Variants in ADGRG6 observed in about 807,000 individuals in gnomAD.
ADGRG6 encodes adhesion G protein-coupled receptor G6, also known as G-protein coupled receptor 126.
Under a neutral mutation model 142.4 loss-of-function variants are expected in ADGRG6, and 84 were observed. That is an observed-to-expected ratio of 0.59 (90% CI 0.49 to 0.71). ADGRG6 has a LOEUF of 0.71. ADGRG6 is among the 30% of genes least tolerant of loss of function. The probability of loss-of-function intolerance (pLI) is 0.00; values close to 1 mark genes in which losing one functional copy is unlikely to be tolerated. For missense variants in ADGRG6, 1,367 were observed against 1,466.6 expected (o/e 0.93, Z 1.11); for synonymous variants, 521 against 520.5 (o/e 1.00, Z -0.01).
chr6:142,313,302 C>T (rs534892311), intron 2 of ADGRG6, among the ~76,000 whole-genome samples: 6 of 152,150 alleles, frequency 3.9e-5, no homozygotes, highest in African/African-American at 1.2e-4. Flanking sequence ...AAAGGAGTTT[C>T]AGATAATAAC....
At chr6:142,377,804 A>G (rs114263085) in intron 4 of ADGRG6, among the ~76,000 whole-genome samples, 1,753 of 152,292 alleles carry the variant, frequency 0.012, 39 homozygotes, top group African/African-American at 0.04. Context: ...AAGTTTGTAT[A>G]TACTTTTGAT....
At chr6:142,378,372 T>C (rs1184438243) in intron 4 of ADGRG6, among the ~76,000 whole-genome samples, 2 of 152,172 alleles carry the variant, frequency 1.3e-5, no homozygotes, top group Admixed American at 1.3e-4. Flanking sequence ...AGGAACTCCC[T>C]CCAGGGTCTC....
chr6:142,394,303 A>G (rs1775058195), intron 9 of ADGRG6, among the ~76,000 whole-genome samples: 1 of 152,200 alleles, frequency 6.6e-6, no homozygotes, highest in South Asian at 2.1e-4. Flanking sequence ...GTGTTTATAT[A>G]TGATAACATC....
At chr6:142,443,095 C>T (rs975677584) in intron 24 of ADGRG6, among the ~76,000 whole-genome samples, 10 of 152,044 alleles carry the variant, frequency 6.6e-5, no homozygotes, top group Non-Finnish European at 1.0e-4. Flanking sequence ...AAGAATATTT[C>T]GTATGGTAAG....
At chr6:142,343,014 CTT>C (rs1180354553) in intron 2 of ADGRG6, among the ~76,000 whole-genome samples, 1 of 151,308 alleles carries the variant, frequency 6.6e-6, no homozygotes. Flanking sequence ...TTTTATAAAA[CTT>C]TTATATATGG....
In ADGRG6 at chr6:142,411,371, TCTGC is replaced by T; in HGVS notation, c.2505_2508del (p.Leu836ValfsTer10). 6.2e-7 allele frequency: 1 copy of T among 1,606,900 alleles called. No homozygotes were observed. Among genetic ancestry groups the T allele is most frequent in the Non-Finnish European group, 8.5e-7 (1 of 1,173,634 alleles). On this transcript the variant is annotated frameshift_variant, in exon 18 of 25. Coordinates refer to ENST00000367609, the MANE Select transcript of ADGRG6 (RefSeq NM_198569.3). LOFTEE classifies it high-confidence loss of function. ...AGAGATTCAGATGCAAGTGAGACAG[TCTGC>T]CTGTGTAACCACTTCACACACTTTG...
At chr6:142,305,470 A>ACACACACACACACAC (rs1562296832) in intron 1 of ADGRG6, among the ~76,000 whole-genome samples, 2 of 135,326 alleles carry the variant, frequency 1.5e-5, no homozygotes, top group African/African-American at 5.4e-5. Flanking sequence ...ACACACACAC[A>ACACACACACACACAC]ATTTTTTTCT....
chr6:142,328,775 C>T (rs1778904093), intron 2 of ADGRG6, among the ~76,000 whole-genome samples: 1 of 152,074 alleles, frequency 6.6e-6, no homozygotes, highest in Admixed American at 6.6e-5. Context: ...GGGTAGCGCT[C>T]ATTGACTTGT....
At chr6:142,428,558 C>G (rs1196578543) in intron 22 of ADGRG6, among the ~76,000 whole-genome samples, 1 of 152,154 alleles carries the variant, frequency 6.6e-6, no homozygotes, top group Non-Finnish European at 1.5e-5. Flanking sequence ...TTAATTGACT[C>G]ACAGTTCCAT....
chr6:142,342,319 A>G (rs1779695930), intron 2 of ADGRG6, among the ~76,000 whole-genome samples: 1 of 152,136 alleles, frequency 6.6e-6, no homozygotes, highest in South Asian at 2.1e-4. Context: ...CATTTCCACA[A>G]TGCTTTCTCA....
intron 2 of ADGRG6, among the ~76,000 whole-genome samples, chr6:142,338,243 C>T (rs913302135): frequency 1.3e-5 from 2 of 150,674 alleles, no homozygotes; most frequent in Non-Finnish European, 3.0e-5. Flanking sequence ...CTCCTGACCT[C>T]GTGATCCGTC....
chr6:142,384,535 A>G (rs2114942167), intron 6 of ADGRG6, among the ~76,000 whole-genome samples: 1 of 152,320 alleles, frequency 6.6e-6, no homozygotes, highest in African/African-American at 2.4e-5. Flanking sequence ...CTGTTCCTAG[A>G]TGAACGACAT....
In ADGRG6 at chr6:142,367,497, G is replaced by A. The variant is rs926143783; in HGVS notation, c.104-72G>A. Reference sequence around the variant, plus strand: ...TTTACTGCTTGATTGTCGCCAGTGTGTGGTATTCTCGGTTTATTGCATGCA... The same window carrying A: ...TTTACTGCTTGATTGTCGCCAGTGTATGGTATTCTCGGTTTATTGCATGCA... On this transcript the variant is annotated intron_variant, in intron 2 of 24. Coordinates refer to ENST00000367609, the MANE Select transcript of ADGRG6 (RefSeq NM_198569.3). The A allele has an allele frequency of 1.6e-5, 16 of 973,158 alleles. No homozygotes were observed. The South Asian group carries it at 2.1e-4, about 12-fold the overall frequency. 60.3% of individuals were successfully genotyped at this position (973,158 alleles called of 1,614,324 possible).
chr6:142,379,974 C>CA lies in ADGRG6; in HGVS notation c.1070-1976dup, dbSNP rs1244249151. On this transcript the variant is annotated intron_variant, in intron 4 of 24. Transcript: ENST00000367609. ...TAGGGACACAATACATCAACCAATACATGTAAGATTTACATTGGTTCAATC... is the reference window on the plus strand; with the variant it reads ...TAGGGACACAATACATCAACCAATACAATGTAAGATTTACATTGGTTCAATC... Among the ~76,000 whole-genome samples, 5 of 152,218 alleles carry CA rather than the reference C, an allele frequency of 3.3e-5. No individual in the cohort carries two copies. The South Asian group carries it at 1.0e-3, about 32-fold the overall frequency.
intron 1 of ADGRG6, among the ~76,000 whole-genome samples, chr6:142,305,904 C>G (rs570797762): frequency 2.8e-4 from 42 of 151,220 alleles, no homozygotes; most frequent in South Asian, 1.1e-3. Context: ...TAGAATAGCA[C>G]TTTTTTTTAA....
rs547196699 is a variant in ADGRG6, at chr6:142,417,864, C to T, written c.3035+495C>T. Among the ~76,000 whole-genome samples, 17 of 152,142 alleles carry T rather than the reference C, an allele frequency of 1.1e-4. No homozygotes were observed. In the South Asian group the frequency reaches 2.7e-3, roughly 24 times the overall value. On this transcript the variant is annotated intron_variant, in intron 21 of 24. Coordinates refer to ENST00000367609, the MANE Select transcript of ADGRG6 (RefSeq NM_198569.3). Reference sequence around the variant, plus strand: ...TATATTGTTCAGTTTGGGCAGTTACCGATCTCCTATTTTATTAGTCCACCA... The same window carrying T: ...TATATTGTTCAGTTTGGGCAGTTACTGATCTCCTATTTTATTAGTCCACCA...
chr6:142,398,077 G>C (rs1053086498), intron 10 of ADGRG6, among the ~76,000 whole-genome samples: 1 of 152,202 alleles, frequency 6.6e-6, no homozygotes, highest in Non-Finnish European at 1.5e-5. Flanking sequence ...AGAGTGTGTA[G>C]ATGTGAATGT....
chr6:142,403,493 A>G (rs1775642261), intron 13 of ADGRG6, among the ~76,000 whole-genome samples: 1 of 152,108 alleles, frequency 6.6e-6, no homozygotes, highest in African/African-American at 2.4e-5. Flanking sequence ...GCCGTAAGGT[A>G]GGGAGGATGC....
chr6:142,388,538 A>G (rs951540591), intron 6 of ADGRG6, among the ~76,000 whole-genome samples: 3 of 152,102 alleles, frequency 2.0e-5, no homozygotes, highest in African/African-American at 2.4e-5. Context: ...AAAGTCAAAA[A>G]TACATTTAAT....
Sources: allele counts gnomAD v4.1 joint callset (sites outside exome capture counted in the v4.1 genomes callset), GRCh38; gene constraint gnomAD v4.1.1; transcripts MANE v1.5; gene names NCBI Gene and HGNC (gene_info 2026-07-23, HGNC 2026-07-21).